The following ZNF680 variants were observed in gnomAD, a reference collection of about 807,000 sequenced individuals.
ZNF680 encodes the protein zinc finger protein 680, also known as hypothetical protein FLJ90430.
Under a neutral mutation model 12.1 loss-of-function variants are expected in ZNF680, and 6 were observed. That is an observed-to-expected ratio of 0.49 (90% CI 0.27 to 0.98). The LOEUF is 0.98. Among genes scored for constraint, ZNF680 ranks in the 50% least tolerant of loss-of-function variants. The pLI is 0.12. For synonymous variants in ZNF680, 170 were observed against 199.3 expected (o/e 0.85, Z 1.24); for missense variants, 561 against 616.3 (o/e 0.91, Z 0.95).
chr7:64,544,016 G>A (rs541166368), intron 2 of ZNF680: 2 of 592,680 alleles, frequency 3.4e-6, no homozygotes, highest in Non-Finnish European at 2.7e-6. Flanking sequence ...AAATTGGTGG[G>A]GGCAATTAAA....
the ZNF680 span, chr7:64,500,887 A>G: frequency 1.7e-6 from 1 of 571,754 alleles, no homozygotes; most frequent in Non-Finnish European, 3.4e-6. Flanking sequence ...TGTTCACTGG[A>G]AATCTCAACA....
At chr7:64,543,865 T>C (rs1286702326) in intron 2 of ZNF680, 63 bp from the exon 3 acceptor site, 13 of 1,383,012 alleles carry the variant, frequency 9.4e-6, no homozygotes, top group Non-Finnish European at 1.0e-6. Flanking sequence ...AAACTACTAA[T>C]GTGCTCAGTA....
At chr7:64,540,870 C>T (rs1373650864) in intron 3 of ZNF680, among the ~76,000 whole-genome samples, 1 of 152,068 alleles carries the variant, frequency 6.6e-6, no homozygotes, top group Non-Finnish European at 1.5e-5. Flanking sequence ...TATTTCAAAT[C>T]ATTGGCATGC....
chr7:64,557,141 C>T (rs1342370028), intron 1 of ZNF680, among the ~76,000 whole-genome samples: 1 of 151,988 alleles, frequency 6.6e-6, no homozygotes, highest in Non-Finnish European at 1.5e-5. Flanking sequence ...GTCCCAGCTA[C>T]TCCGGAGGCT....
At chr7:64,531,596 CAAAAA>C (rs34791051) in intron 3 of ZNF680, among the ~76,000 whole-genome samples, 1 of 95,306 alleles carries the variant, frequency 1.0e-5, no homozygotes, top group African/African-American at 3.9e-5. Context: ...GACTCCGTCT[CAAAAA>C]AAAAAAAAAA....
chr7:64,514,472 T>G, the ZNF680 span, among the ~76,000 whole-genome samples: 1 of 152,128 alleles, frequency 6.6e-6, no homozygotes, highest in Non-Finnish European at 1.5e-5. Flanking sequence ...CAAAAAATGG[T>G]TTACAATTAG....
At chr7:64,501,032 A>G in the ZNF680 span, 4 of 715,606 alleles carry the variant, frequency 5.6e-6, no homozygotes, top group South Asian at 6.1e-5. Context: ...TGTAGAAGAG[A>G]GAAGGGCAGA....
chr7:64,562,777 G>A, intron 1 of ZNF680, 148 bp downstream of exon 1: 1 of 829,966 alleles, frequency 1.2e-6, no homozygotes, highest in Non-Finnish European at 2.0e-6. Flanking sequence ...TATGGCTGAA[G>A]GGGACTGAGG....
In ZNF680 at chr7:64,520,898, T is replaced by C. The variant is rs1791493289; in HGVS notation, c.*263A>G. The stretch of plus-strand genomic sequence containing the variant: ...TGCTTTTAATAAGTATAAACTCTGG[T>C]GTTGAGTAAGATGTGAAAAGATATC... On this transcript the variant is annotated 3_prime_UTR_variant, in exon 4 of 4. Transcript: ENST00000309683. The C allele has an allele frequency of 8.5e-6, 3 of 353,812 alleles. No homozygotes were observed. The South Asian group carries it at 1.3e-4, about 16-fold the overall frequency. The allele number at this position is 353,812 out of a possible 1,614,324, so 21.9% of individuals were successfully genotyped here.
rs1419800855 is a variant in ZNF680, at chr7:64,563,011, T to A, written c.-57A>T. On this transcript the variant is annotated 5_prime_UTR_variant, in exon 1 of 4. Transcript: ENST00000309683. ...AACGGAGTCACAGAGGCTGGGCCTC[T>A]AGGAGCAGAATACACAGAGCAGTAA... The A allele has an allele frequency of 2.5e-6, 4 of 1,600,504 alleles. No individual in the cohort carries two copies. In the African/African-American group the frequency reaches 5.4e-5, roughly 21 times the overall value.
chr7:64,503,927 ATCT>A, the ZNF680 span, among the ~76,000 whole-genome samples: 26 of 152,208 alleles, frequency 1.7e-4, no homozygotes, highest in African/African-American at 5.3e-4. Context: ...AAAATCATAA[ATCT>A]TCTTTAAAAA....
chr7:64,556,254 G>A (rs1385735584), intron 1 of ZNF680, among the ~76,000 whole-genome samples: 5 of 125,424 alleles, frequency 4.0e-5, no homozygotes, highest in Admixed American at 8.3e-5. Context: ...CATTCTTCAC[G>A]GAACTAAAAA....
rs891311906 is a variant in ZNF680 at position 64,544,414 on chromosome 7, C to T, written c.49G>A (p.Asp17Asn). The T allele has an allele frequency of 6.3e-7, 1 of 1,598,708 alleles. No individual in the cohort carries two copies. The highest frequency in any genetic ancestry group is 8.5e-7 in the Non-Finnish European group (1 of 1,171,546). Reference sequence around the variant, plus strand: ...TCCAGAGAGAATTCTATGGCCACATCCCTAAATGTCAGTGGTCCCTGAAAA... The same window carrying T: ...TCCAGAGAGAATTCTATGGCCACATTCCTAAATGTCAGTGGTCCCTGAAAA... The part of the protein sequence containing the change: ...SLEMGPLTFR[D>N]VAIEFSLEEW... The change falls in exon 2 of 4, where the codon GAT becomes AAT. Residue 17 changes from aspartate (D) to asparagine (N), a missense_variant. Asp to Asn is a conservative substitution (Grantham distance 23). Coordinates refer to ENST00000309683, the MANE Select transcript of ZNF680 (RefSeq NM_178558.5).
chr7:64,521,413 T>G lies in ZNF680; in HGVS notation c.1341A>C (p.Ser447=). 1 of 1,613,698 alleles carries G rather than the reference T, an allele frequency of 6.2e-7. No homozygotes were observed. Among genetic ancestry groups the G allele is most frequent in the Non-Finnish European group, 8.5e-7 (1 of 1,179,720 alleles). ...GAATTACTTTATGGTTAGTAAGGGT[T>G]GAAAATAAAGTAAAGCCTTTGCCAC... The part of the protein sequence containing the change: ...EECGKGFTLF[S]TLTNHKVIHT... The change falls in exon 4 of 4, where the codon TCA becomes TCC. Residue 447 remains serine, a synonymous_variant. Transcript: ENST00000309683.
the ZNF680 span, among the ~76,000 whole-genome samples, chr7:64,511,161 T>C: frequency 1.3e-5 from 2 of 151,492 alleles, no homozygotes. Flanking sequence ...TCCCAGCTAC[T>C]TGGGAGGCTA....
At chr7:64,507,870 CACACACACAT>C in the ZNF680 span, among the ~76,000 whole-genome samples, 82 of 68,998 alleles carry the variant, frequency 1.2e-3, 1 homozygote, top group African/African-American at 3.9e-3. Flanking sequence ...CACACACACA[CACACACACAT>C]TTTTTTATTT....
chr7:64,503,137 A>G, the ZNF680 span, among the ~76,000 whole-genome samples: 3 of 152,304 alleles, frequency 2.0e-5, no homozygotes, highest in East Asian at 5.8e-4. Flanking sequence ...GTTGTGGCTT[A>G]GTATAAAGAA....
At position 64,554,792 on chromosome 7, in the gene ZNF680, TACTCGTTAAGAGTCATCACC is replaced by T. The variant is rs1358202509; in HGVS notation, c.30+8113_30+8132del. On this transcript the variant is annotated intron_variant, in intron 1 of 3. Coordinates refer to ENST00000309683, the MANE Select transcript of ZNF680 (RefSeq NM_178558.5). ...GTTAAACAGATGCTTGAAGGCGGCA[TACTCGTTAAGAGTCATCACC>T]ACTCCCTAATCTCAAGTACCCAGGG... Among the ~76,000 whole-genome samples the T allele has an allele frequency of 5.9e-5, 9 of 152,186 alleles. No homozygotes were observed. In the East Asian group the frequency reaches 1.7e-3, roughly 29 times the overall value.
chr7:64,557,811 C>T (rs537389414), intron 1 of ZNF680, among the ~76,000 whole-genome samples: 3 of 152,174 alleles, frequency 2.0e-5, no homozygotes, highest in Admixed American at 1.3e-4. Context: ...GCTTGAACCC[C>T]GGAGGCGGAG....
Sources: gnomAD v4.1 joint callset for allele counts (sites outside exome capture counted in the v4.1 genomes callset) on GRCh38, gnomAD v4.1.1 for gene constraint, MANE v1.5 for transcripts, NCBI Gene and HGNC (gene_info 2026-07-23, HGNC 2026-07-21) for gene names.